Variants in FOXP4 observed in about 807,000 individuals in gnomAD.
The protein encoded by FOXP4 is forkhead box protein P4.
In FOXP4, 25 loss-of-function variants were observed where a neutral mutation model predicts 82.6. The ratio of observed to expected loss-of-function variants is 0.30; its 90% confidence interval spans 0.22 to 0.42. FOXP4 has a LOEUF of 0.42. Among genes scored for constraint, FOXP4 ranks in the 10% least tolerant of loss-of-function variants. The probability of loss-of-function intolerance (pLI) is 1.00; values close to 1 mark genes in which losing one functional copy is unlikely to be tolerated. For missense variants in FOXP4, 785 were observed against 900.9 expected, an observed-to-expected ratio of 0.87 and a Z score of 1.65; for synonymous variants, 415 against 388.2, an observed-to-expected ratio of 1.07 and a Z score of -0.81.
intron 2 of FOXP4, among the ~76,000 whole-genome samples, chr6:41,574,519 A>G (rs1468136245): frequency 1.3e-5 from 2 of 152,260 alleles, no homozygotes; most frequent in Admixed American, 6.5e-5. Flanking sequence ...AGCCTAGACT[A>G]AAATGAGTTT....
intron 1 of FOXP4, among the ~76,000 whole-genome samples, chr6:41,552,668 A>C (rs1764065841): frequency 6.6e-6 from 1 of 152,062 alleles, no homozygotes. Flanking sequence ...GGTTTTCGGC[A>C]CTCACCAGAC....
intron 5 of FOXP4, among the ~76,000 whole-genome samples, chr6:41,586,510 G>A (rs1401165325): frequency 6.6e-6 from 1 of 152,236 alleles, no homozygotes; most frequent in Non-Finnish European, 1.5e-5. Context: ...AGTGAGTCCC[G>A]TCAGACTCCT....
intron 16 of FOXP4, 95 bp downstream of exon 16, chr6:41,598,045 AC>A: frequency 2.3e-6 from 2 of 880,414 alleles, no homozygotes; most frequent in Non-Finnish European, 3.0e-6. Flanking sequence ...TCCCCATCCC[AC>A]CCCCACCACG....
In FOXP4 at chr6:41,546,761, G is replaced by C. The variant is rs555502559; in HGVS notation, c.-123G>C. The C allele has an allele frequency of 5.4e-4, 79 of 147,006 alleles. No homozygotes were observed. Among genetic ancestry groups the C allele is most frequent in the African/African-American group, 1.8e-3 (74 of 40,964 alleles). The allele number at this position is 147,006 out of a possible 1,614,324, so 9.1% of individuals were successfully genotyped here. Reference sequence around the variant, plus strand: ...CTGCGCGACGCGGGGCGGCGCGGAAGGGCAGCCCCGGCGGGCGGCGGCGGG... The same window carrying C: ...CTGCGCGACGCGGGGCGGCGCGGAACGGCAGCCCCGGCGGGCGGCGGCGGG... On this transcript the variant is annotated 5_prime_UTR_variant, in exon 1 of 17. Transcript: ENST00000307972.
At chr6:41,549,370 T>G (rs1763866534) in intron 1 of FOXP4, among the ~76,000 whole-genome samples, 1 of 152,144 alleles carries the variant, frequency 6.6e-6, no homozygotes, top group Admixed American at 6.6e-5. Context: ...CAAAGGGACC[T>G]GCTCCTGTCC....
chr6:41,570,170 A>G (rs1765118416), intron 2 of FOXP4: 2 of 391,960 alleles, frequency 5.1e-6, no homozygotes, highest in African/African-American at 4.2e-5. Context: ...TCTCTTCAGG[A>G]CTGCTGGCTG....
intron 1 of FOXP4, among the ~76,000 whole-genome samples, chr6:41,551,691 C>T (rs1442404952): frequency 6.6e-6 from 1 of 152,150 alleles, no homozygotes; most frequent in Non-Finnish European, 1.5e-5. Flanking sequence ...AGAGACCATC[C>T]GGCATTTGTT....
intron 13 of FOXP4, among the ~76,000 whole-genome samples, chr6:41,592,677 G>A (rs774328532): frequency 6.6e-6 from 1 of 152,110 alleles, no homozygotes; most frequent in Non-Finnish European, 1.5e-5. Context: ...CTTTTTGGGG[G>A]CAAAGTACTG....
chr6:41,593,999 G>A lies in FOXP4; in HGVS notation c.1537-871G>A, dbSNP rs1237686279. Among the ~76,000 whole-genome samples the A allele has an allele frequency of 6.6e-6, 1 of 152,192 alleles. No individual in the cohort carries two copies. Among genetic ancestry groups the A allele is most frequent in the Non-Finnish European group, 1.5e-5 (1 of 68,036 alleles). ...TAACTGGGAGCTGGCCGTGGGGGCA[G>A]CACAGCTGAGAGAGGAGGGTGCAGG... On this transcript the variant is annotated intron_variant, in intron 13 of 16. Transcript: ENST00000307972. This position sits in a 1 kb window ranked among gnomAD's most constrained non-coding sequence, Gnocchi z 4.1.
At chr6:41,557,396 C>T (rs1764334003) in intron 1 of FOXP4, among the ~76,000 whole-genome samples, 1 of 152,154 alleles carries the variant, frequency 6.6e-6, no homozygotes, top group Non-Finnish European at 1.5e-5. Context: ...AACATGTATC[C>T]TATGCAACTA....
rs1343248718 is a variant in FOXP4, at chr6:41,601,866, AGT to A, written c.*2933_*2934del. Reference sequence around the variant, plus strand: ...TCCCTAGGGACAAGGCCCAGGGAAGAGTGTATTTGGGGAGCAGGGGAGGGGAG... The same window carrying A: ...TCCCTAGGGACAAGGCCCAGGGAAGAGTATTTGGGGAGCAGGGGAGGGGAG... On this transcript the variant is annotated 3_prime_UTR_variant, in exon 17 of 17. Coordinates refer to ENST00000307972, the MANE Select transcript of FOXP4 (RefSeq NM_001012426.2). 6.6e-6 allele frequency: 1 copy of A among 152,142 alleles called. No homozygotes were observed. Among genetic ancestry groups the A allele is most frequent in the Non-Finnish European group, 1.5e-5 (1 of 68,038 alleles). The allele number at this position is 152,142 out of a possible 1,614,324, so 9.4% of individuals were successfully genotyped here.
chr6:41,554,430 C>T (rs544621768), intron 1 of FOXP4, among the ~76,000 whole-genome samples: 7 of 152,350 alleles, frequency 4.6e-5, no homozygotes, highest in Admixed American at 3.9e-4. Context: ...GCTGCCTCCT[C>T]GTGCCCTCCT....
chr6:41,593,978 T>A lies in FOXP4; in HGVS notation c.1537-892T>A, dbSNP rs1766670236. ...GGATGCAGGCAGGGATGGTGATAAC[T>A]GGGAGCTGGCCGTGGGGGCAGCACA... On this transcript the variant is annotated intron_variant, in intron 13 of 16. Transcript: ENST00000307972. The surrounding 1 kb of genome is among the most constrained non-coding windows in gnomAD (Gnocchi z 4.1). Among the ~76,000 whole-genome samples, 1 of 151,904 alleles carries A rather than the reference T, an allele frequency of 6.6e-6. No individual in the cohort carries two copies. The highest frequency in any genetic ancestry group is 2.1e-4 in the South Asian group (1 of 4,822).
rs755799593 is a variant in FOXP4, at chr6:41,593,846, C to T, written c.1537-1024C>T. The stretch of plus-strand genomic sequence containing the variant: ...AGAGGGAGAGGGATCTCCAGGGGCA[C>T]GGGCTGCCTGCCCTACCCGCTTTCT... On this transcript the variant is annotated intron_variant, in intron 13 of 16. Coordinates refer to ENST00000307972, the MANE Select transcript of FOXP4 (RefSeq NM_001012426.2). The surrounding 1 kb of genome is among the most constrained non-coding windows in gnomAD (Gnocchi z 4.1). 2.6e-5 allele frequency among the ~76,000 whole-genome samples: 4 copies of T among 152,136 alleles called. No individual in the cohort carries two copies. Among genetic ancestry groups the T allele is most frequent in the South Asian group, 2.1e-4 (1 of 4,822 alleles).
chr6:41,578,167 T>A (rs1350486514), intron 3 of FOXP4, 86 bp downstream of exon 3: 1 of 1,140,998 alleles, frequency 8.8e-7, no homozygotes. Context: ...GTTGGAGAAC[T>A]GCTCTTGCCA....
intron 1 of FOXP4, among the ~76,000 whole-genome samples, chr6:41,560,537 C>T (rs1764511924): frequency 1.3e-5 from 2 of 152,380 alleles, no homozygotes; most frequent in Non-Finnish European, 2.9e-5. Flanking sequence ...TGCGCGTGCA[C>T]GTGTGCTCCC....
chr6:41,551,208 G>C (rs574662320), intron 1 of FOXP4, among the ~76,000 whole-genome samples: 19 of 152,342 alleles, frequency 1.2e-4, no homozygotes, highest in African/African-American at 2.9e-4. Flanking sequence ...GCCTGATCTA[G>C]AAAACAAGAG....
rs950727546 is a variant in FOXP4, at chr6:41,582,329, G to C, written c.301-2440G>C. Among the ~76,000 whole-genome samples the C allele has an allele frequency of 2.0e-5, 3 of 152,200 alleles. No homozygotes were observed. The East Asian group carries it at 5.8e-4, about 29-fold the overall frequency. ...GCCGTGAAGATTCCATGAGATACACGTGTAAAGGGCTTAGCCAAGTGCCGT... is the reference window on the plus strand; with the variant it reads ...GCCGTGAAGATTCCATGAGATACACCTGTAAAGGGCTTAGCCAAGTGCCGT... On this transcript the variant is annotated intron_variant, in intron 3 of 16. Transcript: ENST00000307972.
At chr6:41,598,688 G>A in intron 16 of FOXP4, 101 bp from the exon 17 acceptor site, 1 of 1,509,572 alleles carries the variant, frequency 6.6e-7, no homozygotes, top group South Asian at 1.2e-5. Context: ...GGGGCTGTGG[G>A]CACCCCACTG....
Sources: gnomAD v4.1 joint callset for allele counts (sites outside exome capture counted in the v4.1 genomes callset) on GRCh38, gnomAD v4.1.1 for gene constraint, Gnocchi (gnomAD v3.1) non-coding constraint, MANE v1.5 for transcripts, NCBI Gene and HGNC (gene_info 2026-07-23, HGNC 2026-07-21) for gene names.